The following SLC14A2 variants were observed in gnomAD, a reference collection of about 807,000 sequenced individuals.
SLC14A2 encodes solute carrier family 14 member 2, also known as urea transporter 2.
Under a neutral mutation model 104.6 loss-of-function variants are expected in SLC14A2, and 91 were observed. That is an observed-to-expected ratio of 0.87 (90% confidence interval 0.73 to 1.04). SLC14A2 has a LOEUF of 1.04. Among genes scored for constraint, SLC14A2 ranks in the 50% least tolerant of loss-of-function variants. The pLI is 0.00. For synonymous variants in SLC14A2, 476 were observed against 466.4 expected (o/e 1.02, Z -0.27); for missense variants, 1,189 against 1,156.0 (o/e 1.03, Z -0.41).
In SLC14A2 at chr18:45,661,116, A is replaced by G. The variant is rs186986826; in HGVS notation, c.1352-2669A>G. Reference sequence around the variant, plus strand: ...GAATCTGGGCTGCTAACTGTGAAGAATCAGGGAGTGGAGGCTGAGCCACTG... The same window carrying G: ...GAATCTGGGCTGCTAACTGTGAAGAGTCAGGGAGTGGAGGCTGAGCCACTG... On this transcript the variant is annotated intron_variant, in intron 10 of 19. Transcript: ENST00000255226. Among the ~76,000 whole-genome samples the G allele has an allele frequency of 3.2e-3, 486 of 152,330 alleles. 1 individual carries two copies. The highest frequency in any genetic ancestry group is 5.4e-3 in the Non-Finnish European group (368 of 68,034).
At chr18:45,624,147 G>A (rs2144500850) in intron 1 of SLC14A2, among the ~76,000 whole-genome samples, 1 of 152,206 alleles carries the variant, frequency 6.6e-6, no homozygotes, top group Middle Eastern at 3.4e-3. Context: ...GGAAGGAGCT[G>A]GAAATGGTAG....
At position 45,544,786 on chromosome 18, in the gene SLC14A2, CTTT is replaced by C. The variant is rs71373715; in HGVS notation, c.-35+61485_-35+61487del. On this transcript the variant is annotated intron_variant, in intron 2 of 20. Coordinates refer to the SLC14A2 transcript ENST00000586448. ...TTATATATATATTTATCAATAATGTCTTTTTTTTTTTTTTTTTTTTTTTGAGAC... is the reference window on the plus strand; with the variant it reads ...TTATATATATATTTATCAATAATGTCTTTTTTTTTTTTTTTTTTTTGAGAC... Among the ~76,000 whole-genome samples the C allele has an allele frequency of 3.7e-4, 33 of 88,882 alleles. 1 individual carries two copies. The East Asian group carries it at 6.9e-3, about 19-fold the overall frequency. The allele number at this position is 88,882 out of a possible 152,430, so 58.3% of individuals were successfully genotyped here.
intron 1 of SLC14A2, among the ~76,000 whole-genome samples, chr18:45,468,579 C>T (rs949486283): frequency 7.2e-5 from 11 of 151,848 alleles, no homozygotes; most frequent in East Asian, 1.9e-4. Context: ...CCTGCAACAC[C>T]GTATCATGTG....
chr18:45,395,604 T>G (rs73953178), intron 1 of SLC14A2, among the ~76,000 whole-genome samples: 1,942 of 152,276 alleles, frequency 0.013, 38 homozygotes, highest in African/African-American at 0.044. Context: ...CCAAACTTTT[T>G]TTTTGTTTTG....
chr18:45,178,600 A>T, the SLC14A2 span, among the ~76,000 whole-genome samples: 1 of 152,220 alleles, frequency 6.6e-6, no homozygotes, highest in African/African-American at 2.4e-5. Context: ...GAATAGAATC[A>T]CTAGTAAAAT....
intron 19 of SLC14A2, among the ~76,000 whole-genome samples, chr18:45,680,977 G>A (rs758900727): frequency 3.3e-5 from 5 of 151,804 alleles, no homozygotes; most frequent in African/African-American, 4.9e-5. Context: ...TCCCCAAGAC[G>A]CACCCAACGG....
chr18:45,288,962 T>C (rs2084842585), intron 1 of SLC14A2, among the ~76,000 whole-genome samples: 1 of 152,202 alleles, frequency 6.6e-6, no homozygotes, highest in South Asian at 2.1e-4. Context: ...CCCACGGCTC[T>C]TTGCCTGCTG....
intron 2 of SLC14A2, among the ~76,000 whole-genome samples, chr18:45,548,312 A>T (rs1176037496): frequency 3.3e-5 from 5 of 152,326 alleles, no homozygotes; most frequent in African/African-American, 1.2e-4. Flanking sequence ...CAGGAAGAAG[A>T]CTTCCTTCAG....
chr18:45,343,142 CTTT>C (rs34073750), intron 1 of SLC14A2, among the ~76,000 whole-genome samples: 22 of 132,576 alleles, frequency 1.7e-4, no homozygotes, highest in South Asian at 7.4e-4. Context: ...GTTCTCTCTG[CTTT>C]TTTTTTTTTT....
chr18:45,627,586 G>A (rs1300113528), intron 4 of SLC14A2, among the ~76,000 whole-genome samples: 1 of 152,188 alleles, frequency 6.6e-6, no homozygotes, highest in East Asian at 1.9e-4. Flanking sequence ...TCTGAGAGAA[G>A]GCGAGGAGAG....
chr18:45,443,632 A>T (rs925327711), intron 1 of SLC14A2, among the ~76,000 whole-genome samples: 2 of 152,100 alleles, frequency 1.3e-5, no homozygotes, highest in Non-Finnish European at 2.9e-5. Flanking sequence ...ATTGGGGGAA[A>T]TGGAGTTCTA....
intron 10 of SLC14A2, among the ~76,000 whole-genome samples, chr18:45,662,678 T>G (rs781153538): frequency 1.3e-5 from 2 of 152,190 alleles, no homozygotes; most frequent in Non-Finnish European, 2.9e-5. Context: ...TGATAATATA[T>G]AGTGCCCATT....
At chr18:45,203,835 A>G in the SLC14A2 span, among the ~76,000 whole-genome samples, 1 of 152,216 alleles carries the variant, frequency 6.6e-6, no homozygotes, top group African/African-American at 2.4e-5. Flanking sequence ...AGCCTAATGA[A>G]TTATGCAGTC....
intron 1 of SLC14A2, chr18:45,447,358 T>C (rs1259808729): frequency 6.6e-6 from 1 of 152,236 alleles, no homozygotes; most frequent in Admixed American, 6.5e-5. Context: ...AAAGTGAAGA[T>C]GTGAAGCCAG....
intron 1 of SLC14A2, among the ~76,000 whole-genome samples, chr18:45,621,318 A>C (rs564694661): frequency 5.9e-5 from 9 of 152,282 alleles, no homozygotes; most frequent in African/African-American, 2.2e-4. Context: ...TCCATTCCGG[A>C]GTTATGGCAG....
intron 1 of SLC14A2, among the ~76,000 whole-genome samples, chr18:45,234,839 G>C (rs532555242): frequency 1.3e-5 from 2 of 151,884 alleles, no homozygotes; most frequent in South Asian, 4.2e-4. Flanking sequence ...ATTATTTAGC[G>C]CCTTTTTTTT....
At chr18:45,291,282 G>A (rs909423493) in intron 1 of SLC14A2, among the ~76,000 whole-genome samples, 4 of 151,904 alleles carry the variant, frequency 2.6e-5, no homozygotes, top group Non-Finnish European at 4.4e-5. Flanking sequence ...TTCTCAGAGC[G>A]AGTAAGAGTA....
intron 1 of SLC14A2, among the ~76,000 whole-genome samples, chr18:45,309,539 T>C (rs1011896748): frequency 2.0e-5 from 3 of 150,684 alleles, no homozygotes; most frequent in African/African-American, 4.9e-5. Context: ...AAACAATGTG[T>C]TCAAAATCAA....
Position 45,629,247 on chromosome 18 carries a change from TA to T in SLC14A2, c.521+2101del, listed in dbSNP as rs139272085. Among the ~76,000 whole-genome samples, 1,251 of 152,252 alleles carry T rather than the reference TA, an allele frequency of 8.2e-3. 22 individuals are homozygous for T. The highest frequency in any genetic ancestry group is 0.028 in the African/African-American group (1,148 of 41,544). ...TGGTGAGAAGTTGCTCATGCACCTC[TA>T]GGGTGGCGTTGGAGGACCACTCAGA... On this transcript the variant is annotated intron_variant, in intron 4 of 19. Coordinates refer to ENST00000255226, the MANE Select transcript of SLC14A2 (RefSeq NM_007163.4).
Sources: gnomAD v4.1 joint callset for allele counts (sites outside exome capture counted in the v4.1 genomes callset) on GRCh38, gnomAD v4.1.1 for gene constraint, MANE v1.5 for transcripts, NCBI Gene and HGNC (gene_info 2026-07-23, HGNC 2026-07-21) for gene names.